The following COG5 variants were observed in gnomAD, a reference collection of about 807,000 sequenced individuals.
COG5 encodes component of oligomeric golgi complex 5.
In COG5, 86 loss-of-function variants were observed where a neutral mutation model predicts 110.4. The observed-to-expected ratio is 0.78, with a 90% CI of 0.65 to 0.93. The LOEUF is 0.93. COG5 is among the 40% of genes least tolerant of loss of function. The pLI, the probability that COG5 is intolerant of heterozygous loss-of-function variation, is 0.00. For synonymous variants in COG5, 360 were observed against 334.6 expected, an observed-to-expected ratio of 1.08 and a Z score of -0.83; for missense variants, 1,077 against 987.0, an observed-to-expected ratio of 1.09 and a Z score of -1.22.
chr7:107,453,911 C>T (rs1262316928), intron 6 of COG5, among the ~76,000 whole-genome samples: 1 of 152,074 alleles, frequency 6.6e-6, no homozygotes, highest in African/African-American at 2.4e-5. Flanking sequence ...CATACCACAT[C>T]TCTTCAATTT....
At chr7:107,382,091 G>T (rs4727674) in intron 7 of COG5, among the ~76,000 whole-genome samples, 95,575 of 152,088 alleles carry the variant, frequency 0.63, 32,326 homozygotes, top group African/African-American at 0.91. Flanking sequence ...CAGTCGTGAC[G>T]TGCAGAGTCC....
chr7:107,548,592 G>A (rs1487745005), intron 3 of COG5, among the ~76,000 whole-genome samples: 3 of 152,264 alleles, frequency 2.0e-5, no homozygotes, highest in East Asian at 3.9e-4. Flanking sequence ...CATCTGGGGT[G>A]ATGGAAAAGT....
intron 10 of COG5, among the ~76,000 whole-genome samples, chr7:107,331,840 C>G (rs376412508): frequency 7.6e-6 from 1 of 131,832 alleles, no homozygotes; most frequent in East Asian, 2.2e-4. Context: ...CTGCTTGCCT[C>G]TTTTTTTTTT....
chr7:107,541,523 A>AAAAAAAT lies in COG5; in HGVS notation c.417+6587_417+6588insATTTTTT, dbSNP rs60423657. Among the ~76,000 whole-genome samples, 138 of 57,018 alleles carry AAAAAAAT rather than the reference A, an allele frequency of 2.4e-3. 9 individuals are homozygous for AAAAAAAT. The highest frequency in any genetic ancestry group is 8.9e-3 in the African/African-American group (133 of 14,960). The allele number at this position is 57,018 out of a possible 152,430, so 37.4% of individuals were successfully genotyped here. ...AAAAAAAAAAAAAAAAAAAAAAAAA[A>AAAAAAAT]ATATATATATATATATATATGTATT... is the stretch of plus-strand genomic sequence containing the variant. On this transcript the variant is annotated intron_variant, in intron 5 of 21. Transcript: ENST00000297135.
intron 3 of COG5, 67 bp downstream of exon 3, chr7:107,554,218 A>T: frequency 7.3e-7 from 1 of 1,375,414 alleles, no homozygotes; most frequent in Admixed American, 1.7e-5. Context: ...CATCCAAAGT[A>T]GCTTGCCAAA....
At position 107,455,941 on chromosome 7, in the gene COG5, G is replaced by A. The variant is rs186590444; in HGVS notation, c.539-43309C>T. 5.5e-3 allele frequency among the ~76,000 whole-genome samples: 841 copies of A among 151,884 alleles called. 8 individuals are homozygous for A. The highest frequency in any genetic ancestry group is 0.019 in the African/African-American group (808 of 41,438). On this transcript the variant is annotated intron_variant, in intron 6 of 21. Transcript: ENST00000297135. ...CCCAAGCAGCTGGGACTACAGACAC[G>A]CACCACCACACCTGGCTAATTTTTT...
At chr7:107,383,787 C>G (rs1181379027) in intron 7 of COG5, among the ~76,000 whole-genome samples, 1 of 152,124 alleles carries the variant, frequency 6.6e-6, no homozygotes, top group Non-Finnish European at 1.5e-5. Flanking sequence ...TTAAAAGATG[C>G]CTTCTTTTTT....
At chr7:107,546,020 A>C (rs1802412032) in intron 5 of COG5, among the ~76,000 whole-genome samples, 1 of 152,184 alleles carries the variant, frequency 6.6e-6, no homozygotes, top group African/African-American at 2.4e-5. Flanking sequence ...CATATCAAAT[A>C]TCTTTTCCAA....
chr7:107,376,220 C>A (rs1353024636), intron 7 of COG5, among the ~76,000 whole-genome samples: 5 of 152,008 alleles, frequency 3.3e-5, no homozygotes, highest in African/African-American at 1.2e-4. Flanking sequence ...ATTTGGCAAT[C>A]CTCTGCCTCT....
intron 7 of COG5, among the ~76,000 whole-genome samples, chr7:107,407,879 G>GC (rs746457174): frequency 6.6e-6 from 1 of 152,080 alleles, no homozygotes; most frequent in Non-Finnish European, 1.5e-5. Flanking sequence ...TGGGGATGTA[G>GC]CAAGATGGCA....
intron 6 of COG5, among the ~76,000 whole-genome samples, chr7:107,516,079 A>T (rs765877636): frequency 2.0e-5 from 3 of 151,540 alleles, no homozygotes; most frequent in Non-Finnish European, 4.4e-5. Context: ...TTAATCATTC[A>T]ATCTACACTT....
At chr7:107,529,181 A>T (rs1294527320) in intron 5 of COG5, among the ~76,000 whole-genome samples, 1 of 152,190 alleles carries the variant, frequency 6.6e-6, no homozygotes, top group African/African-American at 2.4e-5. Flanking sequence ...AACATTGAAA[A>T]GTCACCCTCG....
At chr7:107,440,388 T>TA (rs537133593) in intron 6 of COG5, among the ~76,000 whole-genome samples, 54 of 145,138 alleles carry the variant, frequency 3.7e-4, no homozygotes, top group South Asian at 6.6e-4. Context: ...TTTTCTTGGT[T>TA]AAAAAAAAAA....
At chr7:107,329,531 A>G (rs1382566485) in intron 10 of COG5, among the ~76,000 whole-genome samples, 1 of 152,138 alleles carries the variant, frequency 6.6e-6, no homozygotes, top group African/African-American at 2.4e-5. Flanking sequence ...ACTATATAAT[A>G]GTAAATCTAT....
At chr7:107,400,979 C>T (rs1313134185) in intron 7 of COG5, among the ~76,000 whole-genome samples, 1 of 152,060 alleles carries the variant, frequency 6.6e-6, no homozygotes, top group Non-Finnish European at 1.5e-5. Context: ...ATGAAAGTAT[C>T]TGCCAAGAAA....
In COG5 at chr7:107,546,988, A is replaced by C. The variant is rs1393371061; in HGVS notation, c.417+1123T>G. ...TACCAATCCTTCTAAAACTCTCCCC[A>C]AAAAAATCAAAGATGGAAAAGTATT... On this transcript the variant is annotated intron_variant, in intron 5 of 21. Coordinates refer to ENST00000297135, the MANE Select transcript of COG5 (RefSeq NM_006348.5). Among the ~76,000 whole-genome samples the C allele has an allele frequency of 3.9e-5, 6 of 152,308 alleles. No homozygotes were observed. In the East Asian group the frequency reaches 9.6e-4, roughly 24 times the overall value.
At chr7:107,407,329 C>T (rs1364779770) in intron 7 of COG5, among the ~76,000 whole-genome samples, 2 of 152,104 alleles carry the variant, frequency 1.3e-5, no homozygotes, top group East Asian at 1.9e-4. Context: ...TTTCAGTGAG[C>T]CGAGATCGTG....
chr7:107,531,045 C>CT lies in COG5; in HGVS notation c.418-3689dup, dbSNP rs11312323. Among the ~76,000 whole-genome samples the CT allele has an allele frequency of 3.2e-3, 476 of 148,870 alleles. 4 individuals carry two copies. The highest frequency in any genetic ancestry group is 8.4e-3 in the African/African-American group (342 of 40,592). On this transcript the variant is annotated intron_variant, in intron 5 of 21. Transcript: ENST00000297135. Reference sequence around the variant, plus strand: ...CTCTTTTACATTAATCACTTCCTTACTTTTTTTTTTTATTACTGAAGTACA... The same window carrying CT: ...CTCTTTTACATTAATCACTTCCTTACTTTTTTTTTTTTATTACTGAAGTACA...
chr7:107,348,746 C>T (rs1811861914), intron 10 of COG5, among the ~76,000 whole-genome samples: 1 of 152,118 alleles, frequency 6.6e-6, no homozygotes, highest in Admixed American at 6.6e-5. Context: ...GTCTCTGAAC[C>T]ATCTGAAAGT....
Sources: allele counts gnomAD v4.1 joint callset (sites outside exome capture counted in the v4.1 genomes callset), GRCh38; gene constraint gnomAD v4.1.1; transcripts MANE v1.5; gene names NCBI Gene and HGNC (gene_info 2026-07-23, HGNC 2026-07-21).